The following COL4A4 variants were observed in gnomAD, a reference collection of about 807,000 sequenced individuals.
COL4A4 encodes the protein collagen type IV alpha 4 chain, also known as collagen alpha-4(IV) chain.
COL4A4 carries 105 observed loss-of-function variants against 192.9 expected under a neutral mutation model. That is an observed-to-expected ratio of 0.54 (90% confidence interval 0.46 to 0.64). COL4A4 has a LOEUF of 0.64. Among genes scored for constraint, COL4A4 ranks in the 30% least tolerant of loss-of-function variants. The probability of loss-of-function intolerance (pLI) is 0.00; values close to 1 mark genes in which losing one functional copy is unlikely to be tolerated. For synonymous variants in COL4A4, 762 were observed against 769.9 expected (o/e 0.99, Z 0.17); for missense variants, 1,967 against 2,169.3 (o/e 0.91, Z 1.85).
chr2:227,016,495 G>GCTA (rs1964893499), intron 44 of COL4A4, among the ~76,000 whole-genome samples: 1 of 152,156 alleles, frequency 6.6e-6, no homozygotes, highest in African/African-American at 2.4e-5. Flanking sequence ...ATTCATTTAC[G>GCTA]TGTTATCTAC....
At chr2:227,029,360 G>A (rs1036598173) in intron 41 of COL4A4, among the ~76,000 whole-genome samples, 11 of 152,150 alleles carry the variant, frequency 7.2e-5, no homozygotes, top group African/African-American at 2.2e-4. Context: ...TCAATCATTG[G>A]AAGCCTACTT....
chr2:226,985,002 A>G, the COL4A4 span, among the ~76,000 whole-genome samples: 1 of 152,076 alleles, frequency 6.6e-6, no homozygotes. Context: ...TTTGAGTGAA[A>G]ATGTGAGCCA....
chr2:227,136,701 T>G (rs892208456), intron 4 of COL4A4, among the ~76,000 whole-genome samples: 1 of 152,210 alleles, frequency 6.6e-6, no homozygotes, highest in African/African-American at 2.4e-5. Context: ...CTGTCAACGA[T>G]TGCTTTAGAC....
intron 11 of COL4A4, 55 bp from the exon 12 acceptor site, chr2:227,108,677 A>G: frequency 6.3e-7 from 1 of 1,597,728 alleles, no homozygotes; most frequent in Non-Finnish European, 8.6e-7. Context: ...AAAAGTAATT[A>G]AAAGCAATTA....
chr2:227,130,918 A>C (rs368036009), intron 4 of COL4A4, among the ~76,000 whole-genome samples: 2 of 151,338 alleles, frequency 1.3e-5, no homozygotes, highest in East Asian at 2.0e-4. Flanking sequence ...TCCACCTCCC[A>C]TCCACTTCCC....
chr2:227,051,168 T>C lies in COL4A4; in HGVS notation c.2969-10A>G, dbSNP rs1576130915. The C allele has an allele frequency of 4.3e-6, 7 of 1,613,812 alleles. No homozygotes were observed. The highest frequency in any genetic ancestry group is 2.2e-5 in the South Asian group (2 of 91,084). ...GGAGTTCCTTTATCACCTGATGAAG[T>C]TGGAAGTGTTACAGGTCTCTGCTGA... On this transcript the variant is annotated splice_polypyrimidine_tract_variant and intron_variant, in intron 32 of 47. Coordinates refer to ENST00000396625, the MANE Select transcript of COL4A4 (RefSeq NM_000092.5).
chr2:227,106,612 C>G (rs532040121), intron 12 of COL4A4, among the ~76,000 whole-genome samples: 1 of 152,308 alleles, frequency 6.6e-6, no homozygotes, highest in East Asian at 1.9e-4. Flanking sequence ...GTCACCCAGG[C>G]TGGAGTGAAA....
At chr2:227,009,510 C>G (rs555776604) in intron 46 of COL4A4, among the ~76,000 whole-genome samples, 64 of 152,080 alleles carry the variant, frequency 4.2e-4, no homozygotes, top group Non-Finnish European at 8.2e-4. Context: ...TCGAGACCTA[C>G]CTGGCCGCAA....
chr2:226,972,200 T>A, the COL4A4 span, among the ~76,000 whole-genome samples: 1 of 152,170 alleles, frequency 6.6e-6, no homozygotes, highest in African/African-American at 2.4e-5. Context: ...GTTCCTGTGT[T>A]AGTTTGCTGA....
At chr2:227,103,084 T>C (rs1238014756) in intron 14 of COL4A4, 60 bp downstream of exon 14, 1 of 1,445,418 alleles carries the variant, frequency 6.9e-7, no homozygotes, top group African/African-American at 1.4e-5. Flanking sequence ...AGAAATAACA[T>C]TTTAAGTTAA....
intron 4 of COL4A4, among the ~76,000 whole-genome samples, chr2:227,128,075 TG>T (rs1397456922): frequency 6.6e-6 from 1 of 152,180 alleles, no homozygotes; most frequent in Non-Finnish European, 1.5e-5. Context: ...CCAGCAACAC[TG>T]AATAGTGTAG....
At chr2:227,090,195 T>G (rs1421413214) in intron 20 of COL4A4, among the ~76,000 whole-genome samples, 2 of 152,124 alleles carry the variant, frequency 1.3e-5, no homozygotes, top group African/African-American at 4.8e-5. Context: ...AAGCCAACCC[T>G]AATCTCAGCC....
chr2:226,984,751 C>T, the COL4A4 span, among the ~76,000 whole-genome samples: 1 of 152,118 alleles, frequency 6.6e-6, no homozygotes, highest in African/African-American at 2.4e-5. Flanking sequence ...AATTTATAAG[C>T]CCTGGTCTTG....
At position 227,057,225 on chromosome 2, in the gene COL4A4, G is replaced by A. The variant is rs4296417; in HGVS notation, c.2545+214C>T. Reference sequence around the variant, plus strand: ...CTCCTCTCATGTAATGCAACCCACTGTGTGTGTGGCCAACTAGCCCACTAC... The same window carrying A: ...CTCCTCTCATGTAATGCAACCCACTATGTGTGTGGCCAACTAGCCCACTAC... On this transcript the variant is annotated intron_variant, in intron 29 of 47. Transcript: ENST00000396625. Among the ~76,000 whole-genome samples the A allele has an allele frequency of 0.65, 98,449 of 151,998 alleles. 32,478 individuals are homozygous for A. Among genetic ancestry groups the A allele is most frequent in the African/African-American group, 0.77 (31,716 of 41,452 alleles).
chr2:227,080,498 G>C lies in COL4A4; in HGVS notation c.1748C>G (p.Pro583Arg). The C allele has an allele frequency of 6.2e-7, 1 of 1,614,066 alleles. No homozygotes were observed. Among genetic ancestry groups the C allele is most frequent in the Non-Finnish European group, 8.5e-7 (1 of 1,180,014 alleles). The change falls in exon 24 of 48, where the codon CCA becomes CGA. Residue 583 changes from proline to arginine, a missense_variant. By Grantham distance (103) the Pro-to-Arg change is moderately radical. Coordinates refer to ENST00000396625, the MANE Select transcript of COL4A4 (RefSeq NM_000092.5). Reference sequence around the variant, plus strand: ...ATGTCCATCCCGACCATGTGATCCTGGCTGCCCTGGAAATCCTGGGGGCCC... The same window carrying C: ...ATGTCCATCCCGACCATGTGATCCTCGCTGCCCTGGAAATCCTGGGGGCCC... ...PDGPPGFPGQ[P>R]GSHGRDGHAG...
the COL4A4 span, among the ~76,000 whole-genome samples, chr2:226,974,606 A>G: frequency 1.3e-5 from 2 of 152,288 alleles, no homozygotes; most frequent in South Asian, 2.1e-4. Context: ...TCGTTGAACA[A>G]GGATGTACAA....
intron 15 of COL4A4, among the ~76,000 whole-genome samples, chr2:227,102,277 G>A (rs1383298586): frequency 6.6e-6 from 1 of 152,164 alleles, no homozygotes; most frequent in Non-Finnish European, 1.5e-5. Context: ...TGCATCATTA[G>A]CAATAAAAAT....
At chr2:227,115,874 C>T (rs891487171) in intron 7 of COL4A4, among the ~76,000 whole-genome samples, 3 of 151,830 alleles carry the variant, frequency 2.0e-5, no homozygotes, top group African/African-American at 7.3e-5. Context: ...GTTCAAATTT[C>T]AGTCACCATT....
At chr2:226,968,414 C>G in the COL4A4 span, among the ~76,000 whole-genome samples, 1 of 152,192 alleles carries the variant, frequency 6.6e-6, no homozygotes, top group Non-Finnish European at 1.5e-5. Flanking sequence ...AGAATTTCTT[C>G]TTCTTCAGGG....
Sources: allele counts gnomAD v4.1 joint callset (sites outside exome capture counted in the v4.1 genomes callset), GRCh38; gene constraint gnomAD v4.1.1; transcripts MANE v1.5; gene names NCBI Gene and HGNC (gene_info 2026-07-23, HGNC 2026-07-21).